TFDP2: variants seen among roughly 807,000 people sequenced by gnomAD.
TFDP2 encodes transcription factor Dp-2.
TFDP2 carries 17 observed loss-of-function variants against 59.3 expected under a neutral mutation model. The observed-to-expected ratio is 0.29, with a 90% confidence interval of 0.20 to 0.43. The LOEUF is 0.43. Among genes scored for constraint, TFDP2 ranks in the 20% least tolerant of loss-of-function variants. TFDP2 has a pLI of 1.00. For synonymous variants in TFDP2, 180 were observed against 194.7 expected (o/e 0.92, Z 0.63); for missense variants, 391 against 528.8 (o/e 0.74, Z 2.56).
At chr3:142,088,338 C>CT (rs1421258151) in intron 3 of TFDP2, among the ~76,000 whole-genome samples, 236 of 145,586 alleles carry the variant, frequency 1.6e-3, no homozygotes, top group African/African-American at 5.0e-3. Flanking sequence ...TCTTTTTTCT[C>CT]TTTTTTTTTT....
At chr3:141,966,939 C>CA (rs1938172222) in intron 9 of TFDP2, among the ~76,000 whole-genome samples, 1 of 128,598 alleles carries the variant, frequency 7.8e-6, no homozygotes, top group Non-Finnish European at 1.7e-5. Context: ...AAAAAAAAGA[C>CA]AGAGTCTTGC....
intron 1 of TFDP2, among the ~76,000 whole-genome samples, chr3:142,143,000 C>T (rs2063015717): frequency 3.3e-5 from 5 of 152,218 alleles, no homozygotes; most frequent in Admixed American, 2.0e-4. Flanking sequence ...CTTTGGGAGG[C>T]CAAGGCGAGC....
chr3:141,978,955 T>A (rs1223170299), intron 6 of TFDP2, among the ~76,000 whole-genome samples: 1 of 152,250 alleles, frequency 6.6e-6, no homozygotes. Context: ...GATACTGTTA[T>A]TGACACTGAG....
chr3:142,016,191 T>C (rs1436065893), intron 3 of TFDP2, among the ~76,000 whole-genome samples: 3 of 151,184 alleles, frequency 2.0e-5, no homozygotes, highest in Non-Finnish European at 4.4e-5. Context: ...TTTGTAGAGA[T>C]GGGGTTTCAC....
intron 7 of TFDP2, among the ~76,000 whole-genome samples, chr3:141,975,164 G>A (rs566387198): frequency 2.0e-5 from 3 of 151,642 alleles, no homozygotes; most frequent in African/African-American, 4.8e-5. Flanking sequence ...TGCCTGCCTC[G>A]ACCTCCCAAA....
At chr3:142,018,929 G>GTTTC (rs1553778065) in intron 3 of TFDP2, among the ~76,000 whole-genome samples, 1 of 125,226 alleles carries the variant, frequency 8.0e-6, no homozygotes, top group East Asian at 2.3e-4. Flanking sequence ...TTTTTGGTGA[G>GTTTC]TTTTTTTTTT....
intron 1 of TFDP2, among the ~76,000 whole-genome samples, chr3:142,127,161 A>G (rs1425591233): frequency 2.0e-5 from 3 of 148,480 alleles, no homozygotes; most frequent in African/African-American, 7.3e-5. Flanking sequence ...TCTATAAGAT[A>G]TATCTTAATT....
chr3:142,032,998 C>T (rs1269926063), intron 3 of TFDP2, among the ~76,000 whole-genome samples: 4 of 152,050 alleles, frequency 2.6e-5, no homozygotes, highest in African/African-American at 9.7e-5. Context: ...GAGTTCAAGA[C>T]TGGCCTGGCC....
At chr3:141,967,323 G>C (rs1417691198) in intron 9 of TFDP2, among the ~76,000 whole-genome samples, 1 of 142,402 alleles carries the variant, frequency 7.0e-6, no homozygotes, top group Non-Finnish European at 1.5e-5. Context: ...ACAGAGTTTC[G>C]CTCTTGTTGC....
intron 9 of TFDP2, among the ~76,000 whole-genome samples, chr3:141,968,099 C>CG (rs1559935587): frequency 6.7e-6 from 1 of 150,110 alleles, no homozygotes; most frequent in African/African-American, 2.4e-5. Context: ...GAGAGGCTGC[C>CG]GGGGGGAAGA....
rs987112846 is a variant in TFDP2, at chr3:142,101,786, T to C, written c.-37A>G. On this transcript the variant is annotated 5_prime_UTR_variant, in exon 2 of 13. An upstream start codon of the reference 5' UTR is lost. Transcript: ENST00000489671. ...TTCTATTTAAGATTCTGTAAAGCCA[T>C]TAAAAAAATAAAAAGAAAAAAACCT... 1 of 1,257,830 alleles carries C rather than the reference T, an allele frequency of 8.0e-7. No homozygotes were observed. The highest frequency in any genetic ancestry group is 1.0e-6 in the Non-Finnish European group (1 of 958,418). 77.9% of individuals were successfully genotyped at this position (1,257,830 alleles called of 1,614,324 possible). A position where few individuals can be genotyped will look rare whatever the true frequency, so the allele number is the denominator to read the frequency against.
chr3:141,961,959 T>A (rs1937417679), intron 10 of TFDP2, among the ~76,000 whole-genome samples: 1 of 152,040 alleles, frequency 6.6e-6, no homozygotes, highest in Non-Finnish European at 1.5e-5. Context: ...CCACTCTTTT[T>A]TTGGGGGGGA....
intron 3 of TFDP2, among the ~76,000 whole-genome samples, chr3:142,084,173 A>G (rs2060732100): frequency 2.0e-5 from 3 of 152,244 alleles, no homozygotes; most frequent in Admixed American, 6.5e-5. Context: ...AAAAGATCTG[A>G]ATAGACATTT....
chr3:142,086,348 T>C (rs1461203208), intron 3 of TFDP2, among the ~76,000 whole-genome samples: 1 of 152,142 alleles, frequency 6.6e-6, no homozygotes, highest in Non-Finnish European at 1.5e-5. Context: ...AGAGCCATAA[T>C]ACTGTCCCCC....
At chr3:142,078,133 T>C (rs1411597520) in intron 3 of TFDP2, among the ~76,000 whole-genome samples, 1 of 152,166 alleles carries the variant, frequency 6.6e-6, no homozygotes, top group Non-Finnish European at 1.5e-5. Flanking sequence ...CTTTGTCTTG[T>C]GGTCTGGGTG....
chr3:142,089,248 TAAAG>T (rs1311663080), intron 3 of TFDP2, among the ~76,000 whole-genome samples: 2 of 146,964 alleles, frequency 1.4e-5, no homozygotes, highest in Non-Finnish European at 3.0e-5. Flanking sequence ...AAAAAAAACA[TAAAG>T]AACCCAATGG....
intron 3 of TFDP2, among the ~76,000 whole-genome samples, chr3:142,017,169 T>C (rs999221042): frequency 3.9e-5 from 6 of 152,326 alleles, no homozygotes; most frequent in South Asian, 2.1e-4. Context: ...TTTTCCACCA[T>C]AGTACTTATC....
chr3:142,001,511 A>G (rs1943765648), intron 4 of TFDP2, among the ~76,000 whole-genome samples: 1 of 152,170 alleles, frequency 6.6e-6, no homozygotes, highest in South Asian at 2.1e-4. Flanking sequence ...TTATTCTTCC[A>G]TTGTTTTGAT....
At chr3:142,089,747 T>C (rs1440838341) in intron 3 of TFDP2, among the ~76,000 whole-genome samples, 1 of 152,056 alleles carries the variant, frequency 6.6e-6, no homozygotes, top group Non-Finnish European at 1.5e-5. Flanking sequence ...TGAAACAGTA[T>C]GAAGCTCTAA....
Sources: gnomAD v4.1 joint callset for allele counts (sites outside exome capture counted in the v4.1 genomes callset) on GRCh38, gnomAD v4.1.1 for gene constraint, MANE v1.5 for transcripts, NCBI Gene and HGNC (gene_info 2026-07-23, HGNC 2026-07-21) for gene names.